The following ITPR1 variants were observed in gnomAD, a reference collection of about 807,000 sequenced individuals.
The protein encoded by ITPR1 is inositol 1,4,5-trisphosphate receptor type 1.
A neutral mutation model predicts 318.4 loss-of-function variants in ITPR1; 96 were observed. The observed-to-expected ratio is 0.30, with a 90% confidence interval of 0.26 to 0.36. The LOEUF is 0.36. Among genes scored for constraint, ITPR1 ranks in the 10% least tolerant of loss-of-function variants. The pLI, the probability that ITPR1 is intolerant of heterozygous loss-of-function variation, is 1.00. For missense variants in ITPR1, 2,440 were observed against 3,460.2 expected (o/e 0.71, Z 7.40); for synonymous variants, 1,312 against 1,289.9 (o/e 1.02, Z -0.37).
chr3:4,623,228 T>G (rs1039210899), intron 4 of ITPR1, among the ~76,000 whole-genome samples: 2 of 152,214 alleles, frequency 1.3e-5, no homozygotes, highest in South Asian at 4.1e-4. Flanking sequence ...GGCTCCAGCA[T>G]GCCCTTGATA....
At chr3:4,657,100 G>A (rs977306822) in intron 12 of ITPR1, among the ~76,000 whole-genome samples, 13 of 152,196 alleles carry the variant, frequency 8.5e-5, no homozygotes, top group Admixed American at 2.0e-4. Flanking sequence ...GGAGAGGCCC[G>A]TCTTCCCTGA....
At chr3:4,787,868 A>G (rs1287030377) in intron 51 of ITPR1, 79 bp from the exon 52 acceptor site, 7 of 972,200 alleles carry the variant, frequency 7.2e-6, no homozygotes, top group Non-Finnish European at 1.1e-5. Flanking sequence ...TTGACCACCG[A>G]GTCTACCACC....
At chr3:4,824,223 C>T (rs1162632033) in intron 60 of ITPR1, among the ~76,000 whole-genome samples, 1 of 152,160 alleles carries the variant, frequency 6.6e-6, no homozygotes, top group Non-Finnish European at 1.5e-5. Flanking sequence ...TGCTTTACCT[C>T]GGGAAGGGCA....
At chr3:4,764,599 A>G (rs1223416766) in intron 44 of ITPR1, among the ~76,000 whole-genome samples, 4 of 152,216 alleles carry the variant, frequency 2.6e-5, no homozygotes, top group East Asian at 1.9e-4. Context: ...AGAATAAGCA[A>G]TAGGCTTGGG....
intron 38 of ITPR1, among the ~76,000 whole-genome samples, chr3:4,711,018 C>T (rs1378475150): frequency 6.6e-6 from 1 of 151,964 alleles, no homozygotes; most frequent in Non-Finnish European, 1.5e-5. Context: ...TCAAGACCAG[C>T]CTGGCCAACA....
intron 44 of ITPR1, among the ~76,000 whole-genome samples, chr3:4,745,015 C>T (rs951289018): frequency 6.8e-6 from 1 of 147,010 alleles, no homozygotes. Context: ...TTCCTTCCTT[C>T]CTCCTTCCCT....
intron 4 of ITPR1, among the ~76,000 whole-genome samples, chr3:4,575,452 A>C (rs866103429): frequency 2.9e-4 from 44 of 152,186 alleles, no homozygotes; most frequent in African/African-American, 1.0e-3. Context: ...AAAAGCAGAA[A>C]ATTTATTAAA....
intron 4 of ITPR1, among the ~76,000 whole-genome samples, chr3:4,571,659 G>A (rs192514093): frequency 2.2e-4 from 34 of 152,192 alleles, no homozygotes; most frequent in African/African-American, 7.7e-4. Context: ...CCTACCACAC[G>A]TGTTGTCTCC....
intron 4 of ITPR1, among the ~76,000 whole-genome samples, chr3:4,622,824 T>C (rs2092692290): frequency 6.6e-6 from 1 of 152,254 alleles, no homozygotes; most frequent in African/African-American, 2.4e-5. Context: ...CTGGGGATTG[T>C]AGCACATTTA....
intron 32 of ITPR1, among the ~76,000 whole-genome samples, chr3:4,693,255 C>T (rs2094507257): frequency 6.6e-6 from 1 of 152,224 alleles, no homozygotes; most frequent in African/African-American, 2.4e-5. Flanking sequence ...CAGGCTTTCT[C>T]TTCCCCTAAT....
intron 60 of ITPR1, among the ~76,000 whole-genome samples, chr3:4,834,250 G>A (rs1333506665): frequency 1.3e-5 from 2 of 152,110 alleles, no homozygotes; most frequent in African/African-American, 4.8e-5. Flanking sequence ...GCACTTTGAT[G>A]GCAGGAATTC....
intron 4 of ITPR1, among the ~76,000 whole-genome samples, chr3:4,595,857 T>G (rs570642484): frequency 6.6e-6 from 1 of 152,252 alleles, no homozygotes; most frequent in South Asian, 2.1e-4. Context: ...TGGCGGAATG[T>G]TCTTAAGAAA....
Position 4,681,655 on chromosome 3 carries a change from G to C in ITPR1, c.3161+237G>C, listed in dbSNP as rs9813506. On this transcript the variant is annotated intron_variant, in intron 26 of 61. Transcript: ENST00000649015. Reference sequence around the variant, plus strand: ...TGTGTGTGTGTGTGTGTGTGTGTGTGTGTCCCACCTAGGACAGAAAGGATT... The same window carrying C: ...TGTGTGTGTGTGTGTGTGTGTGTGTCTGTCCCACCTAGGACAGAAAGGATT... 6.4e-3 allele frequency among the ~76,000 whole-genome samples: 971 copies of C among 151,218 alleles called. 4 individuals carry two copies. The highest frequency in any genetic ancestry group is 0.023 in the African/African-American group (928 of 40,808).
chr3:4,787,028 A>G (rs1223982752), intron 51 of ITPR1, among the ~76,000 whole-genome samples: 1 of 152,196 alleles, frequency 6.6e-6, no homozygotes, highest in Non-Finnish European at 1.5e-5. Context: ...ATGGCTATTT[A>G]AATACAATTA....
intron 4 of ITPR1, among the ~76,000 whole-genome samples, 174 bp downstream of exon 4, chr3:4,521,268 A>G (rs1049122373): frequency 2.0e-5 from 3 of 152,208 alleles, no homozygotes; most frequent in African/African-American, 7.2e-5. Flanking sequence ...ACATAAATTT[A>G]GTATCAAGAT....
chr3:4,525,940 G>A (rs1208966874), intron 4 of ITPR1, among the ~76,000 whole-genome samples: 1 of 152,166 alleles, frequency 6.6e-6, no homozygotes, highest in Non-Finnish European at 1.5e-5. Flanking sequence ...CAGAATCTCT[G>A]CTCTTTTTAA....
intron 4 of ITPR1, among the ~76,000 whole-genome samples, chr3:4,538,604 C>T (rs1223055730): frequency 6.6e-6 from 1 of 152,136 alleles, no homozygotes; most frequent in Non-Finnish European, 1.5e-5. Flanking sequence ...CATGTATGTT[C>T]ATTGCAGCAC....
At chr3:4,627,121 T>G (rs1206754659) in intron 4 of ITPR1, among the ~76,000 whole-genome samples, 1 of 152,066 alleles carries the variant, frequency 6.6e-6, no homozygotes, top group African/African-American at 2.4e-5. Context: ...GTGCCGGGCC[T>G]GTAATATTTT....
intron 39 of ITPR1, among the ~76,000 whole-genome samples, chr3:4,715,008 A>G (rs1157747431): frequency 1.3e-5 from 2 of 152,236 alleles, no homozygotes; most frequent in African/African-American, 4.8e-5. Flanking sequence ...TGTGCTAGCC[A>G]CTATACTAAA....
Sources: gnomAD v4.1 joint callset for allele counts (sites outside exome capture counted in the v4.1 genomes callset) on GRCh38, gnomAD v4.1.1 for gene constraint, MANE v1.5 for transcripts, NCBI Gene and HGNC (gene_info 2026-07-23, HGNC 2026-07-21) for gene names.